The following SPRY3 variants were observed in gnomAD, a reference collection of about 807,000 sequenced individuals.
SPRY3 encodes sprouty RTK signaling antagonist 3.
In SPRY3, 15 loss-of-function variants were observed where a neutral mutation model predicts 20.2. The observed-to-expected ratio is 0.74, with a 90% CI of 0.50 to 1.14. SPRY3 has a LOEUF of 1.14. SPRY3 is among the 50% of genes most tolerant of loss of function. The probability of loss-of-function intolerance (pLI) is 0.00; values close to 1 mark genes in which losing one functional copy is unlikely to be tolerated. For synonymous variants in SPRY3, 143 were observed against 136.5 expected (o/e 1.05, Z -0.33); for missense variants, 364 against 363.9 (o/e 1.00, Z 0.00).
chrX:155,756,786 A>G (rs1320486741), intron 2 of SPRY3, among the ~76,000 whole-genome samples: 1 of 152,178 alleles, frequency 6.6e-6, no homozygotes, highest in Non-Finnish European at 1.5e-5. Context: ...GTACATTTAG[A>G]TACATACACA....
At chrX:155,726,242 T>C (rs1298667226) in intron 2 of SPRY3, among the ~76,000 whole-genome samples, 1 of 152,192 alleles carries the variant, frequency 6.6e-6, no homozygotes, top group African/African-American at 2.4e-5. Context: ...CTACCGATTA[T>C]GTTGTCAATT....
intron 2 of SPRY3, among the ~76,000 whole-genome samples, chrX:155,714,715 A>C (rs1010300331): frequency 6.6e-6 from 1 of 152,102 alleles, no homozygotes; most frequent in African/African-American, 2.4e-5. Flanking sequence ...TTTGGGAACC[A>C]GGGATTGGAG....
At chrX:155,720,183 G>C (rs1433404561) in intron 2 of SPRY3, among the ~76,000 whole-genome samples, 1 of 152,168 alleles carries the variant, frequency 6.6e-6, no homozygotes, top group African/African-American at 2.4e-5. Flanking sequence ...GCCTGTGATC[G>C]TGTTGGCCAC....
chrX:155,725,777 A>G (rs927210084), intron 2 of SPRY3, among the ~76,000 whole-genome samples: 3 of 151,810 alleles, frequency 2.0e-5, no homozygotes, highest in African/African-American at 7.3e-5. Flanking sequence ...CAGCTCCTGG[A>G]TTCATTGATT....
intron 3 of SPRY3, among the ~76,000 whole-genome samples, chrX:155,771,249 C>A (rs1258030951): frequency 6.6e-6 from 1 of 152,128 alleles, no homozygotes; most frequent in Non-Finnish European, 1.5e-5. Flanking sequence ...ACAGGATCCC[C>A]TTTGAACATA....
intron 1 of SPRY3, among the ~76,000 whole-genome samples, chrX:155,627,677 G>A (rs1557350074): frequency 1.8e-5 from 2 of 110,483 alleles, no homozygotes; most frequent in African/African-American, 6.6e-5. Flanking sequence ...TTAATTTTAA[G>A]TTCTGAGATA....
At chrX:155,732,562 TA>T (rs1267102361) in intron 2 of SPRY3, among the ~76,000 whole-genome samples, 4 of 151,966 alleles carry the variant, frequency 2.6e-5, no homozygotes, top group Non-Finnish European at 5.9e-5. Context: ...GAATATAAAT[TA>T]ATACAACCAC....
intron 2 of SPRY3, among the ~76,000 whole-genome samples, chrX:155,767,289 C>CTA: frequency 6.6e-6 from 1 of 152,050 alleles, no homozygotes; most frequent in East Asian, 1.9e-4. Context: ...CCATCCTCCC[C>CTA]TATAACCCAT....
chrX:155,776,595 C>T (rs138154931), exon 4 of SPRY3: 62 of 167,162 alleles, frequency 3.7e-4, no homozygotes, highest in Non-Finnish European at 4.1e-4. Flanking sequence ...AATTCACTGA[C>T]GAATTCAGAG....
exon 4 of SPRY3, chrX:155,775,014 T>G (rs1354001779): frequency 5.6e-6 from 3 of 532,834 alleles, no homozygotes; most frequent in Non-Finnish European, 1.0e-5. Flanking sequence ...GGTATGAGGT[T>G]TGAACACTGA....
At chrX:155,639,050 G>A (rs2067933389) in intron 1 of SPRY3, among the ~76,000 whole-genome samples, 1 of 111,356 alleles carries the variant, frequency 9.0e-6, no homozygotes, top group African/African-American at 3.3e-5. Flanking sequence ...GTCCCTACTG[G>A]ACTAAGCTTG....
chrX:155,706,101 C>T (rs1158460689), intron 2 of SPRY3, among the ~76,000 whole-genome samples: 1 of 151,166 alleles, frequency 6.6e-6, no homozygotes, highest in African/African-American at 2.4e-5. Context: ...CCAATGTAGA[C>T]CATACTTAGG....
At chrX:155,753,925 T>A (rs1193976336) in intron 2 of SPRY3, among the ~76,000 whole-genome samples, 6 of 151,998 alleles carry the variant, frequency 3.9e-5, no homozygotes, top group Admixed American at 2.6e-4. Flanking sequence ...CTTTGCGCAT[T>A]TTTCCATTTG....
In SPRY3 at chrX:155,764,305, A is replaced by C. The variant is rs1602997654; in HGVS notation, c.-281-3657A>C. ...GAGTACACCATTAACTAAGGAGCTAAGAAAACAAATTTTCTGAAGTGCACT... is the reference window on the plus strand; with the variant it reads ...GAGTACACCATTAACTAAGGAGCTACGAAAACAAATTTTCTGAAGTGCACT... On this transcript the variant is annotated intron_variant, in intron 2 of 3. Transcript: ENST00000675360. 9.8e-5 allele frequency among the ~76,000 whole-genome samples: 15 copies of C among 152,346 alleles called. No individual in the cohort carries two copies. In the South Asian group the frequency reaches 2.3e-3, roughly 23 times the overall value.
At chrX:155,705,119 C>T (rs1007588468) in intron 2 of SPRY3, among the ~76,000 whole-genome samples, 6 of 151,234 alleles carry the variant, frequency 4.0e-5, no homozygotes, top group Non-Finnish European at 1.5e-5. Context: ...AATTATTTTT[C>T]TTATTTGTAT....
intron 1 of SPRY3, among the ~76,000 whole-genome samples, chrX:155,628,963 C>G (rs1025865867): frequency 6.3e-5 from 7 of 110,665 alleles, no homozygotes; most frequent in African/African-American, 2.3e-4. Context: ...TGATTCAGGT[C>G]TTTTGCCCAT....
intron 2 of SPRY3, among the ~76,000 whole-genome samples, chrX:155,751,035 A>G (rs1406564724): frequency 6.6e-6 from 1 of 151,894 alleles, no homozygotes; most frequent in East Asian, 1.9e-4. Context: ...AAGTGAGAAC[A>G]TGTGTAGAGT....
At chrX:155,648,349 G>C (rs782079216) in intron 1 of SPRY3, among the ~76,000 whole-genome samples, 46 of 112,751 alleles carry the variant, frequency 4.1e-4, no homozygotes, top group African/African-American at 1.5e-3. Flanking sequence ...GTTGCTTTTG[G>C]TGTTTTAGTC....
rs190885471 is a variant in SPRY3 at position 155,699,015 on chromosome X, A to G, written c.-282+41990A>G. ...TGAAAAGAAGGCAAAGATATTCACT[A>G]ACACCACTCATAATCAACATTGTAT... On this transcript the variant is annotated intron_variant, in intron 2 of 3. Coordinates refer to ENST00000675360, the Ensembl canonical transcript of SPRY3. Among the ~76,000 whole-genome samples, 683 of 112,352 alleles carry G rather than the reference A, an allele frequency of 6.1e-3. 4 individuals are homozygous for G. The highest frequency in any genetic ancestry group is 0.02 in the African/African-American group (633 of 30,994).
Sources: gnomAD v4.1 joint callset for allele counts (sites outside exome capture counted in the v4.1 genomes callset) on GRCh38, gnomAD v4.1.1 for gene constraint, MANE v1.5 for transcripts, NCBI Gene and HGNC (gene_info 2026-07-23, HGNC 2026-07-21) for gene names.